Variants in AP1B1 observed in about 807,000 individuals in gnomAD.
AP1B1 encodes AP-1 complex subunit beta-1.
In AP1B1, 36 loss-of-function variants were observed where a neutral mutation model predicts 104.3. That is an observed-to-expected ratio of 0.35 (90% CI 0.26 to 0.46). AP1B1 has a LOEUF of 0.46. Among genes scored for constraint, AP1B1 ranks in the 20% least tolerant of loss-of-function variants. The pLI is 1.00. For missense variants in AP1B1, 901 were observed against 1,247.9 expected (o/e 0.72, Z 4.19); for synonymous variants, 504 against 517.5 (o/e 0.97, Z 0.35).
At chr22:29,353,847 C>T (rs775837755) in intron 7 of AP1B1, among the ~76,000 whole-genome samples, 13 of 152,184 alleles carry the variant, frequency 8.5e-5, no homozygotes, top group Non-Finnish European at 1.3e-4. Flanking sequence ...ACTGTCAAGT[C>T]CCCACTGCTG....
At chr22:29,342,030 C>A (rs905064596) in intron 12 of AP1B1, among the ~76,000 whole-genome samples, 6 of 152,260 alleles carry the variant, frequency 3.9e-5, no homozygotes, top group African/African-American at 1.4e-4. Context: ...CAACACACAC[C>A]CTCAGGTTTC....
chr22:29,370,169 G>T (rs925390594), intron 1 of AP1B1, among the ~76,000 whole-genome samples: 10 of 152,174 alleles, frequency 6.6e-5, no homozygotes, highest in African/African-American at 2.4e-4. Flanking sequence ...AGAAACAAAA[G>T]TGGCCGGGCG....
intron 2 of AP1B1, among the ~76,000 whole-genome samples, chr22:29,365,812 C>T (rs1395905521): frequency 6.6e-6 from 1 of 151,416 alleles, no homozygotes; most frequent in Non-Finnish European, 1.5e-5. Flanking sequence ...CCCTTCCTAT[C>T]CCCCATCGAT....
chr22:29,330,342 G>A, intron 21 of AP1B1, 36 bp downstream of exon 21: 1 of 1,609,552 alleles, frequency 6.2e-7, no homozygotes, highest in Non-Finnish European at 8.5e-7. Context: ...CGAAGGGGAG[G>A]CTCCAAGGCT....
At chr22:29,343,981 G>A (rs547594042) in intron 11 of AP1B1, among the ~76,000 whole-genome samples, 1 of 152,034 alleles carries the variant, frequency 6.6e-6, no homozygotes, top group South Asian at 2.1e-4. Flanking sequence ...CCTGGTGGCA[G>A]GTACCTGTAA....
chr22:29,339,194 G>C, intron 15 of AP1B1, 61 bp from the exon 16 acceptor site: 1 of 1,600,142 alleles, frequency 6.2e-7, no homozygotes, highest in Admixed American at 1.7e-5. Flanking sequence ...CAGGGTCTGG[G>C]AATGAGTAGA....
intron 21 of AP1B1, chr22:29,330,100 T>A: frequency 7.1e-7 from 1 of 1,415,518 alleles, no homozygotes; most frequent in Non-Finnish European, 9.2e-7. Context: ...CACTTCCCAG[T>A]CAGGGGTGCC....
chr22:29,342,994 G>A (rs372033377), intron 11 of AP1B1, among the ~76,000 whole-genome samples: 25 of 152,180 alleles, frequency 1.6e-4, no homozygotes, highest in Non-Finnish European at 2.2e-4. Context: ...CTTCCACCCC[G>A]TCACAGCGCC....
chr22:29,347,233 A>G (rs1602721451), intron 11 of AP1B1, among the ~76,000 whole-genome samples: 3 of 152,144 alleles, frequency 2.0e-5, no homozygotes, highest in Admixed American at 6.5e-5. Context: ...AGCTACCGGA[A>G]CCAGTTGGTC....
Position 29,355,488 on chromosome 22 carries a change from T to C in AP1B1, c.717-617A>G, listed in dbSNP as rs186613043. The stretch of plus-strand genomic sequence containing the variant: ...ACAAACAAACAAACAAACATGTTTT[T>C]TGTAGGAGAAAGATCTAAATCTTGG... On this transcript the variant is annotated intron_variant, in intron 6 of 22. Coordinates refer to ENST00000357586, the MANE Select transcript of AP1B1 (RefSeq NM_001127.4). 3.1e-3 allele frequency among the ~76,000 whole-genome samples: 475 copies of C among 152,176 alleles called. 2 individuals carry two copies. The highest frequency in any genetic ancestry group is 0.014 in the Middle Eastern group (4 of 294).
chr22:29,343,925 A>G (rs1180594287), intron 11 of AP1B1, among the ~76,000 whole-genome samples: 5 of 152,142 alleles, frequency 3.3e-5, no homozygotes, highest in African/African-American at 9.7e-5. Flanking sequence ...AGCCTGGCCA[A>G]CATGGTGAAA....
Position 29,350,112 on chromosome 22 carries a change from G to A in AP1B1, c.1194C>T (p.Leu398=), listed in dbSNP as rs764286157. The A allele has an allele frequency of 6.2e-7, 1 of 1,614,234 alleles. No homozygotes were observed. The highest frequency in any genetic ancestry group is 8.5e-7 in the Non-Finnish European group (1 of 1,180,036). ...AERCVSTLLD[L]IQTKVNYVVQ... is the part of the protein sequence containing the mutation. The stretch of plus-strand genomic sequence containing the variant: ...CCACATAGTTGACCTTGGTCTGGAT[G>A]AGGTCGAGCAGCGTGCTCACACAGC... The change falls in exon 10 of 23, where the codon CTC becomes CTT. Residue 398 remains leucine (L), a synonymous_variant. Coordinates refer to ENST00000357586, the MANE Select transcript of AP1B1 (RefSeq NM_001127.4).
intron 13 of AP1B1, 36 bp from the exon 14 acceptor site, chr22:29,340,893 A>G (rs1285132095): frequency 6.4e-7 from 1 of 1,558,656 alleles, no homozygotes; most frequent in Non-Finnish European, 8.7e-7. Context: ...AGGCATCAGG[A>G]TGTCTCAGGA....
At chr22:29,336,478 C>T (rs2061639348) in intron 16 of AP1B1, among the ~76,000 whole-genome samples, 1 of 152,176 alleles carries the variant, frequency 6.6e-6, no homozygotes, top group Non-Finnish European at 1.5e-5. Flanking sequence ...TCTGACCCTT[C>T]ACGAAGACAA....
At chr22:29,383,995 T>C (rs1181586655) in intron 1 of AP1B1, among the ~76,000 whole-genome samples, 2 of 152,066 alleles carry the variant, frequency 1.3e-5, no homozygotes, top group African/African-American at 4.8e-5. Context: ...AGCTCCACTA[T>C]ATAAGAGGGG....
intron 1 of AP1B1, among the ~76,000 whole-genome samples, chr22:29,371,024 CG>C (rs2062226868): frequency 6.6e-6 from 1 of 152,072 alleles, no homozygotes; most frequent in Non-Finnish European, 1.5e-5. Context: ...GGAGGAGATG[CG>C]GAGAAAAGTG....
chr22:29,382,818 G>A (rs2062458583), intron 1 of AP1B1, among the ~76,000 whole-genome samples: 1 of 152,124 alleles, frequency 6.6e-6, no homozygotes, highest in East Asian at 1.9e-4. Context: ...GAAAACAGTG[G>A]GTCAGGAAGT....
chr22:29,377,773 T>C (rs1010614482), intron 1 of AP1B1, among the ~76,000 whole-genome samples: 2 of 150,638 alleles, frequency 1.3e-5, no homozygotes, highest in African/African-American at 4.9e-5. Context: ...ATCGTGCCAC[T>C]GTACTCCAGC....
intron 14 of AP1B1, among the ~76,000 whole-genome samples, chr22:29,339,978 C>T (rs1438585811): frequency 1.3e-5 from 2 of 152,164 alleles, no homozygotes; most frequent in East Asian, 3.9e-4. Context: ...ACCTTTACCC[C>T]AACACCTGTC....
Sources: gnomAD v4.1 joint callset for allele counts (sites outside exome capture counted in the v4.1 genomes callset) on GRCh38, gnomAD v4.1.1 for gene constraint, MANE v1.5 for transcripts, NCBI Gene and HGNC (gene_info 2026-07-23, HGNC 2026-07-21) for gene names.